ZHX3: variants seen among roughly 807,000 people sequenced by gnomAD.
ZHX3 encodes the protein zinc fingers and homeoboxes protein 3.
ZHX3 carries 20 observed loss-of-function variants against 64.5 expected under a neutral mutation model. That is an observed-to-expected ratio of 0.31 (90% CI 0.22 to 0.45). The LOEUF (loss-of-function observed/expected upper bound fraction) is 0.45, where lower values mean the gene tolerates loss of function less well. ZHX3 is among the 20% of genes least tolerant of loss of function. The pLI, the probability that ZHX3 is intolerant of heterozygous loss-of-function variation, is 1.00. For missense variants in ZHX3, 1,041 were observed against 1,195.8 expected (o/e 0.87, Z 1.91); for synonymous variants, 423 against 461.6 (o/e 0.92, Z 1.07).
intron 1 of ZHX3, among the ~76,000 whole-genome samples, chr20:41,286,694 T>C (rs1440970823): frequency 1.3e-5 from 2 of 152,170 alleles, no homozygotes; most frequent in Non-Finnish European, 2.9e-5. Flanking sequence ...CCTCATCTCT[T>C]CTCTTCTCCC....
At chr20:41,283,155 C>T (rs141937946) in intron 1 of ZHX3, among the ~76,000 whole-genome samples, 2 of 152,156 alleles carry the variant, frequency 1.3e-5, no homozygotes, top group East Asian at 1.9e-4. Context: ...GTGATACACT[C>T]GCCTTGGCCT....
Position 41,204,345 on chromosome 20 carries a change from T to C in ZHX3, c.572A>G (p.Lys191Arg). Residue 191 changes from lysine (K) to arginine (R), a missense_variant, in exon 3 of 4, where the codon AAA becomes AGA. Lys to Arg is a conservative substitution (Grantham distance 26, BLOSUM62 2). Transcript: ENST00000683867. The surrounding 1 kb of genome is among the most constrained non-coding windows in gnomAD (Gnocchi z 6.6). The stretch of plus-strand genomic sequence containing the variant: ...AATTTTTTTGGCTTCAGCTTTGCCT[T>C]TCATTATCTTCATGATTGGAGTTTT... The part of the protein sequence containing the change: ...ITKTPIMKIM[K>R]GKAEAKKIHT... 1.2e-6 allele frequency: 2 copies of C among 1,614,224 alleles called. No homozygotes were observed. Among genetic ancestry groups the C allele is most frequent in the Non-Finnish European group, 1.7e-6 (2 of 1,180,036 alleles).
In ZHX3 at chr20:41,179,595, A is replaced by C. The variant is rs1200906047; in HGVS notation, c.*5596T>G. On this transcript the variant is annotated 3_prime_UTR_variant, in exon 4 of 4. Coordinates refer to ENST00000683867, the MANE Select transcript of ZHX3 (RefSeq NM_001384317.1). This position sits in a 1 kb window ranked among gnomAD's most constrained non-coding sequence, Gnocchi z 4.3. Reference sequence around the variant, plus strand: ...GTAGCTCTCTATTCAGTGACTAAACAACCTGACATTTCACTTTTAACTCCA... The same window carrying C: ...GTAGCTCTCTATTCAGTGACTAAACCACCTGACATTTCACTTTTAACTCCA... 6.6e-6 allele frequency: 1 copy of C among 151,978 alleles called. No individual in the cohort carries two copies. The highest frequency in any genetic ancestry group is 1.5e-5 in the Non-Finnish European group (1 of 68,002). 9.4% of individuals were successfully genotyped at this position (151,978 alleles called of 1,614,324 possible). A position where few individuals can be genotyped will look rare whatever the true frequency, so the allele number is the denominator to read the frequency against.
intron 2 of ZHX3, among the ~76,000 whole-genome samples, chr20:41,248,084 T>C (rs1291649253): frequency 6.6e-6 from 1 of 152,252 alleles, no homozygotes; most frequent in African/African-American, 2.4e-5. Context: ...CACCCAAGCG[T>C]AAATCTACTT....
intron 2 of ZHX3, among the ~76,000 whole-genome samples, chr20:41,262,112 T>G (rs1263289645): frequency 6.6e-6 from 1 of 152,130 alleles, no homozygotes; most frequent in Non-Finnish European, 1.5e-5. Flanking sequence ...ATTCCTCATA[T>G]CTCCTCTTCT....
At chr20:41,193,890 C>T (rs376317839) in intron 3 of ZHX3, among the ~76,000 whole-genome samples, 33 of 151,954 alleles carry the variant, frequency 2.2e-4, no homozygotes, top group East Asian at 7.7e-4. Context: ...TTAGTAGAGA[C>T]GGGGTTTCAT....
intron 2 of ZHX3, among the ~76,000 whole-genome samples, chr20:41,214,275 C>T (rs1056367840): frequency 6.6e-6 from 1 of 152,122 alleles, no homozygotes; most frequent in Non-Finnish European, 1.5e-5. Flanking sequence ...CTTTTATACA[C>T]ATCCCCTCAT....
rs1275894046 is a variant in ZHX3, at chr20:41,224,304, T to G, written c.-150-19238A>C. ...TTGTCTTTTGGACATAAATCAACTC[T>G]TTTTACTACATGACGCATCAACTCT... On this transcript the variant is annotated intron_variant, in intron 2 of 3. Coordinates refer to ENST00000683867, the MANE Select transcript of ZHX3 (RefSeq NM_001384317.1). This position sits in a 1 kb window ranked among gnomAD's most constrained non-coding sequence, Gnocchi z 5.2. Among the ~76,000 whole-genome samples the G allele has an allele frequency of 6.6e-6, 1 of 152,214 alleles. No homozygotes were observed. The highest frequency in any genetic ancestry group is 1.5e-5 in the Non-Finnish European group (1 of 68,038).
intron 1 of ZHX3, among the ~76,000 whole-genome samples, chr20:41,288,542 A>C (rs1334016783): frequency 6.6e-6 from 1 of 152,200 alleles, no homozygotes; most frequent in Non-Finnish European, 1.5e-5. Context: ...GCAATGCCAA[A>C]ATTTACTTGA....
At position 41,234,633 on chromosome 20, in the gene ZHX3, G is replaced by A. The variant is rs137922659; in HGVS notation, c.-150-29567C>T. 7.1e-3 allele frequency among the ~76,000 whole-genome samples: 1,082 copies of A among 152,324 alleles called. 8 individuals are homozygous for A. Among genetic ancestry groups the A allele is most frequent in the Non-Finnish European group, 9.1e-3 (622 of 68,022 alleles). On this transcript the variant is annotated intron_variant, in intron 2 of 3. Transcript: ENST00000683867. Reference sequence around the variant, plus strand: ...GAAGAATTTGAGATTACTGCCTCGCGAGGGAAAAAGGGAAACCCAACCCGA... The same window carrying A: ...GAAGAATTTGAGATTACTGCCTCGCAAGGGAAAAAGGGAAACCCAACCCGA...
intron 1 of ZHX3, among the ~76,000 whole-genome samples, chr20:41,283,794 A>ACCAT (rs2043807807): frequency 6.6e-6 from 1 of 152,118 alleles, no homozygotes; most frequent in African/African-American, 2.4e-5. Context: ...GGTCACTGTG[A>ACCAT]GTCAAAGACA....
rs1280800372 is a variant in ZHX3, at chr20:41,182,690, T to C, written c.*2501A>G. 6.6e-6 allele frequency: 1 copy of C among 152,318 alleles called. No homozygotes were observed. Among genetic ancestry groups the C allele is most frequent in the African/African-American group, 2.4e-5 (1 of 41,472 alleles). 9.4% of individuals were successfully genotyped at this position (152,318 alleles called of 1,614,324 possible). ...AGGAAGAAGGATCTGTCCAGACTGC[T>C]GGGCTCCTTACATGGGCATTCTTGC... On this transcript the variant is annotated 3_prime_UTR_variant, in exon 4 of 4. Coordinates refer to ENST00000683867, the MANE Select transcript of ZHX3 (RefSeq NM_001384317.1). The surrounding 1 kb of genome is among the most constrained non-coding windows in gnomAD (Gnocchi z 6.1).
At chr20:41,299,521 G>T (rs981080568) in intron 1 of ZHX3, among the ~76,000 whole-genome samples, 1 of 152,086 alleles carries the variant, frequency 6.6e-6, no homozygotes, top group African/African-American at 2.4e-5. Flanking sequence ...ATTTGGAGCT[G>T]AGAAAGACAA....
rs139822051 is a variant in ZHX3, at chr20:41,185,810, C to T, written c.2861-609G>A. ...AACAGATTGGCCCTTCCTGTACCCACAGTTACCTGTCTCAGACAGAAGAGA... is the reference window on the plus strand; with the variant it reads ...AACAGATTGGCCCTTCCTGTACCCATAGTTACCTGTCTCAGACAGAAGAGA... On this transcript the variant is annotated intron_variant, in intron 3 of 3. Transcript: ENST00000683867. This position sits in a 1 kb window ranked among gnomAD's most constrained non-coding sequence, Gnocchi z 5.0. 6.5e-6 allele frequency: 1 copy of T among 153,070 alleles called. No homozygotes were observed. Among genetic ancestry groups the T allele is most frequent in the Non-Finnish European group, 1.5e-5 (1 of 68,652 alleles). The allele number at this position is 153,070 out of a possible 1,614,324, so 9.5% of individuals were successfully genotyped here.
chr20:41,316,289 C>T (rs577616128), intron 1 of ZHX3, among the ~76,000 whole-genome samples: 49 of 152,228 alleles, frequency 3.2e-4, no homozygotes, highest in African/African-American at 1.1e-3. Context: ...TACTATTTTG[C>T]GCTTCTGGAT....
intron 1 of ZHX3, among the ~76,000 whole-genome samples, chr20:41,301,740 C>A (rs2044815024): frequency 6.6e-6 from 1 of 152,124 alleles, no homozygotes; most frequent in Admixed American, 6.5e-5. Flanking sequence ...CAGATGCAGG[C>A]AAAGGGTGAG....
chr20:41,246,351 T>C (rs2041686567), intron 2 of ZHX3, among the ~76,000 whole-genome samples: 2 of 152,244 alleles, frequency 1.3e-5, no homozygotes, highest in South Asian at 4.1e-4. Flanking sequence ...CTAATGTGAA[T>C]TGTTACACAC....
chr20:41,282,359 A>ATTTTTTTTTTT (rs1442916638), intron 1 of ZHX3, among the ~76,000 whole-genome samples: 4 of 60,678 alleles, frequency 6.6e-5, no homozygotes, highest in African/African-American at 3.2e-4. Flanking sequence ...GACACAATTC[A>ATTTTTTTTTTT]TCTTTTTTTT....
chr20:41,215,770 T>TTAA (rs1380066411), intron 2 of ZHX3, among the ~76,000 whole-genome samples: 2 of 101,166 alleles, frequency 2.0e-5, no homozygotes, highest in African/African-American at 7.8e-5. Context: ...ACGTCTCTAC[T>TTAA]AAAAAAAAAA....
Sources: gnomAD v4.1 joint callset for allele counts (sites outside exome capture counted in the v4.1 genomes callset) on GRCh38, gnomAD v4.1.1 for gene constraint, Gnocchi (gnomAD v3.1) non-coding constraint, MANE v1.5 for transcripts, NCBI Gene and HGNC (gene_info 2026-07-23, HGNC 2026-07-21) for gene names.